Variants in CNTNAP5 observed in about 807,000 individuals in gnomAD.
The protein encoded by CNTNAP5 is contactin-associated protein-like 5.
CNTNAP5 carries 72 observed loss-of-function variants against 150.2 expected under a neutral mutation model. The observed-to-expected ratio is 0.48, with a 90% CI of 0.40 to 0.58. The LOEUF is 0.58. Among genes scored for constraint, CNTNAP5 ranks in the 20% least tolerant of loss-of-function variants. The probability of loss-of-function intolerance (pLI) is 0.00; values close to 1 mark genes in which losing one functional copy is unlikely to be tolerated. For missense variants in CNTNAP5, 1,636 were observed against 1,626.2 expected (o/e 1.01, Z -0.10); for synonymous variants, 672 against 619.8 (o/e 1.08, Z -1.25).
intron 12 of CNTNAP5, among the ~76,000 whole-genome samples, chr2:124,637,160 A>AT (rs1435713891): frequency 6.6e-6 from 1 of 152,058 alleles, no homozygotes; most frequent in Admixed American, 6.6e-5. Context: ...AGCAGTGTCT[A>AT]TTTTCATATT....
chr2:124,182,138 A>G (rs1313747089), intron 1 of CNTNAP5, among the ~76,000 whole-genome samples: 2 of 152,170 alleles, frequency 1.3e-5, no homozygotes, highest in African/African-American at 4.8e-5. Flanking sequence ...TCTCACAATA[A>G]TCAGAATTGG....
intron 3 of CNTNAP5, among the ~76,000 whole-genome samples, chr2:124,313,273 CGTTTT>C (rs1341474228): frequency 6.8e-6 from 1 of 146,420 alleles, no homozygotes; most frequent in Non-Finnish European, 1.6e-5. Flanking sequence ...TGTTTTGTTT[CGTTTT>C]GTTTTGTTTT....
At chr2:124,728,501 T>C (rs2105124342) in intron 13 of CNTNAP5, among the ~76,000 whole-genome samples, 1 of 152,056 alleles carries the variant, frequency 6.6e-6, no homozygotes, top group East Asian at 1.9e-4. Flanking sequence ...CATGTTCTCA[T>C]TGAAAACCCC....
intron 5 of CNTNAP5, among the ~76,000 whole-genome samples, chr2:124,446,016 T>C (rs1297647781): frequency 6.6e-6 from 1 of 152,056 alleles, no homozygotes; most frequent in African/African-American, 2.4e-5. Context: ...GCATCTCTCA[T>C]GTCTTCTCAA....
intron 11 of CNTNAP5, among the ~76,000 whole-genome samples, chr2:124,592,351 A>G (rs1696705155): frequency 7.2e-6 from 1 of 139,166 alleles, no homozygotes; most frequent in Non-Finnish European, 1.5e-5. Context: ...CCACATATAT[A>G]TATGTATACG....
At chr2:124,651,221 A>T (rs1474139395) in intron 13 of CNTNAP5, among the ~76,000 whole-genome samples, 1 of 152,230 alleles carries the variant, frequency 6.6e-6, no homozygotes, top group East Asian at 1.9e-4. Context: ...GCTAACTAGT[A>T]GCCAGGGTGA....
chr2:124,528,548 G>A (rs1368561998), intron 10 of CNTNAP5, among the ~76,000 whole-genome samples: 1 of 152,108 alleles, frequency 6.6e-6, no homozygotes, highest in Non-Finnish European at 1.5e-5. Context: ...AGTTGAATTG[G>A]CAATATCTAT....
intron 1 of CNTNAP5, among the ~76,000 whole-genome samples, chr2:124,149,633 T>C (rs1684355362): frequency 6.6e-6 from 1 of 152,178 alleles, no homozygotes; most frequent in Non-Finnish European, 1.5e-5. Context: ...TAAACTCTTT[T>C]GTAAAGGCTA....
At chr2:124,398,239 T>C (rs914640323) in intron 3 of CNTNAP5, among the ~76,000 whole-genome samples, 1 of 152,160 alleles carries the variant, frequency 6.6e-6, no homozygotes, top group South Asian at 2.1e-4. Context: ...CCAGCTCCTT[T>C]GCTGATTTCC....
chr2:124,184,283 G>A (rs906584374), intron 1 of CNTNAP5, among the ~76,000 whole-genome samples: 1 of 152,156 alleles, frequency 6.6e-6, no homozygotes, highest in African/African-American at 2.4e-5. Flanking sequence ...TACTTCAAAA[G>A]GGACCATATA....
chr2:124,482,305 A>G (rs1359494043), intron 7 of CNTNAP5, among the ~76,000 whole-genome samples: 1 of 152,144 alleles, frequency 6.6e-6, no homozygotes, highest in African/African-American at 2.4e-5. Flanking sequence ...TCCTGTGTGT[A>G]GCAGGCAGGA....
At chr2:124,221,426 G>A (rs1686309111) in intron 1 of CNTNAP5, among the ~76,000 whole-genome samples, 1 of 152,050 alleles carries the variant, frequency 6.6e-6, no homozygotes, top group African/African-American at 2.4e-5. Flanking sequence ...AAATCTAGGT[G>A]ACAATTCTGG....
chr2:124,657,006 T>G (rs1678473787), intron 13 of CNTNAP5, among the ~76,000 whole-genome samples: 1 of 152,232 alleles, frequency 6.6e-6, no homozygotes, highest in African/African-American at 2.4e-5. Flanking sequence ...AGATGCCATG[T>G]CTGGCACAGA....
chr2:124,699,134 A>G (rs1679466863), intron 13 of CNTNAP5, among the ~76,000 whole-genome samples: 3 of 152,186 alleles, frequency 2.0e-5, no homozygotes, highest in African/African-American at 7.2e-5. Flanking sequence ...GGGAGAAGCC[A>G]GGAAGGAAGT....
At chr2:124,564,539 G>A (rs1227979122) in intron 11 of CNTNAP5, among the ~76,000 whole-genome samples, 1 of 151,888 alleles carries the variant, frequency 6.6e-6, no homozygotes, top group African/African-American at 2.4e-5. Flanking sequence ...TATTTTTGGT[G>A]GAGATGGGGT....
At chr2:124,833,887 T>A (rs1226878890) in intron 19 of CNTNAP5, among the ~76,000 whole-genome samples, 1 of 151,978 alleles carries the variant, frequency 6.6e-6, no homozygotes, top group African/African-American at 2.4e-5. Context: ...GCATGTGCCC[T>A]GTCCTGTTTT....
At chr2:124,478,518 A>C (rs76381612) in intron 7 of CNTNAP5, among the ~76,000 whole-genome samples, 6,430 of 152,234 alleles carry the variant, frequency 0.042, 158 homozygotes, top group Non-Finnish European at 0.051. Context: ...ATACACTTGC[A>C]CATGTACACA....
chr2:124,623,790 T>C (rs571880324), intron 12 of CNTNAP5, among the ~76,000 whole-genome samples: 1 of 152,332 alleles, frequency 6.6e-6, no homozygotes, highest in African/African-American at 2.4e-5. Context: ...ACAAGCATTG[T>C]TTCCTGGTTG....
chr2:124,438,994 C>A lies in CNTNAP5; in HGVS notation c.733+4307C>A, dbSNP rs563771263. ...GGATTATAACCTTATTCAATCCTAC[C>A]CCAATTCTCTGACATTAATCACTAA... On this transcript the variant is annotated intron_variant, in intron 5 of 23. Coordinates refer to ENST00000682447, the MANE Select transcript of CNTNAP5 (RefSeq NM_001367498.1). 3.9e-4 allele frequency among the ~76,000 whole-genome samples: 60 copies of A among 152,050 alleles called. No homozygotes were observed. The South Asian group carries it at 5.2e-3, about 13-fold the overall frequency.
Sources: allele counts gnomAD v4.1 joint callset (sites outside exome capture counted in the v4.1 genomes callset), GRCh38; gene constraint gnomAD v4.1.1; transcripts MANE v1.5; gene names NCBI Gene and HGNC (gene_info 2026-07-23, HGNC 2026-07-21).